Variants in ASXL2 observed in about 807,000 individuals in gnomAD.
ASXL2 encodes the protein ASXL transcriptional regulator 2.
Under a neutral mutation model 122.0 loss-of-function variants are expected in ASXL2, and 23 were observed. The observed-to-expected ratio is 0.19, with a 90% CI of 0.14 to 0.27. The LOEUF is 0.27. ASXL2 is among the 10% of genes least tolerant of loss of function. The probability of loss-of-function intolerance (pLI) is 1.00; values close to 1 mark genes in which losing one functional copy is unlikely to be tolerated. For synonymous variants in ASXL2, 650 were observed against 637.0 expected, an observed-to-expected ratio of 1.02 and a Z score of -0.31; for missense variants, 1,518 against 1,713.8, an observed-to-expected ratio of 0.89 and a Z score of 2.02.
chr2:25,835,129 T>G (rs1044391244), intron 3 of ASXL2, among the ~76,000 whole-genome samples: 1 of 152,132 alleles, frequency 6.6e-6, no homozygotes, highest in African/African-American at 2.4e-5. Flanking sequence ...CCAGCCGATT[T>G]ACCAATATTT....
chr2:25,794,649 C>A (rs1475903483), intron 5 of ASXL2, among the ~76,000 whole-genome samples: 2 of 152,178 alleles, frequency 1.3e-5, no homozygotes. Context: ...GAAAGGTATA[C>A]ATATATCAAG....
intron 9 of ASXL2, among the ~76,000 whole-genome samples, chr2:25,756,640 CT>C (rs1042806596): frequency 9.2e-5 from 14 of 152,276 alleles, no homozygotes; most frequent in Non-Finnish European, 2.1e-4. Flanking sequence ...TCATTTCCCC[CT>C]GGCTCTACAG....
intron 1 of ASXL2, among the ~76,000 whole-genome samples, chr2:25,847,792 C>G (rs1574446492): frequency 6.6e-6 from 1 of 152,084 alleles, no homozygotes; most frequent in Non-Finnish European, 1.5e-5. Context: ...ATGTCTGGGA[C>G]TTCAAAAAAT....
chr2:25,755,434 G>C (rs976844340), intron 10 of ASXL2, among the ~76,000 whole-genome samples: 1 of 152,194 alleles, frequency 6.6e-6, no homozygotes, highest in Non-Finnish European at 1.5e-5. Flanking sequence ...TGGCAGACCA[G>C]TGATCACAGT....
chr2:25,741,907 T>C lies in ASXL2; in HGVS notation c.*122A>G, dbSNP rs910896270. ...ACTTTGTATTCCTGATTAAGTAACA[T>C]TTGTCTCTGAAGACAACTGAAACCT... is the stretch of plus-strand genomic sequence containing the variant. On this transcript the variant is annotated 3_prime_UTR_variant, in exon 13 of 13. Transcript: ENST00000435504. 8.5e-6 allele frequency: 8 copies of C among 936,810 alleles called. No homozygotes were observed. In the Admixed American group the frequency reaches 1.9e-4, roughly 23 times the overall value. The allele number at this position is 936,810 out of a possible 1,614,324, so 58.0% of individuals were successfully genotyped here.
intron 2 of ASXL2, among the ~76,000 whole-genome samples, chr2:25,843,038 C>T (rs1228963966): frequency 2.7e-5 from 4 of 150,898 alleles, no homozygotes; most frequent in South Asian, 2.1e-4. Context: ...CGGTGGCTCA[C>T]GCCTGTAATC....
intron 1 of ASXL2, among the ~76,000 whole-genome samples, chr2:25,873,649 A>C (rs1374526063): frequency 2.0e-5 from 3 of 151,882 alleles, no homozygotes; most frequent in Admixed American, 6.6e-5. Flanking sequence ...TATTAAAAAA[A>C]AAAACAAAAA....
chr2:25,795,689 T>C (rs916967030), intron 5 of ASXL2, among the ~76,000 whole-genome samples: 1 of 152,230 alleles, frequency 6.6e-6, no homozygotes, highest in Non-Finnish European at 1.5e-5. Flanking sequence ...CTTGATGACC[T>C]GGCTTGGCTC....
intron 3 of ASXL2, among the ~76,000 whole-genome samples, chr2:25,828,210 T>A: frequency 1.3e-5 from 2 of 152,216 alleles, no homozygotes; most frequent in South Asian, 4.2e-4. Flanking sequence ...CTCATTAAGA[T>A]CCTTGTCCAG....
intron 1 of ASXL2, among the ~76,000 whole-genome samples, chr2:25,874,582 T>C (rs2089995995): frequency 6.6e-6 from 1 of 151,980 alleles, no homozygotes; most frequent in Admixed American, 6.6e-5. Context: ...GCCCAGGAGA[T>C]GGAAGTTGCA....
rs974471007 is a variant in ASXL2 at position 25,805,827 on chromosome 2, C to T, written c.252+402G>A. 3.3e-5 allele frequency among the ~76,000 whole-genome samples: 5 copies of T among 152,194 alleles called. 1 individual carries two copies. The highest frequency in any genetic ancestry group is 1.9e-4 in the East Asian group (1 of 5,190). On this transcript the variant is annotated intron_variant, in intron 4 of 12. Transcript: ENST00000435504. Reference sequence around the variant, plus strand: ...AGTGGCTGGGACTACAGGCACACACCGCTACGCCCTGGCTAATTTTTTGCA... The same window carrying T: ...AGTGGCTGGGACTACAGGCACACACTGCTACGCCCTGGCTAATTTTTTGCA...
At chr2:25,794,293 CCAAA>C (rs2088880088) in intron 5 of ASXL2, among the ~76,000 whole-genome samples, 1 of 152,058 alleles carries the variant, frequency 6.6e-6, no homozygotes, top group South Asian at 2.1e-4. Flanking sequence ...TAAAAGCAGA[CCAAA>C]ATCTAAACAA....
chr2:25,772,520 G>C (rs190022885), intron 5 of ASXL2, among the ~76,000 whole-genome samples: 1 of 152,134 alleles, frequency 6.6e-6, no homozygotes, highest in Admixed American at 6.5e-5. Flanking sequence ...ATGACCTGAG[G>C]TCGGAGTTCA....
chr2:25,837,799 G>T (rs978276879), intron 2 of ASXL2, among the ~76,000 whole-genome samples: 1 of 151,530 alleles, frequency 6.6e-6, no homozygotes, highest in Non-Finnish European at 1.5e-5. Flanking sequence ...GCAGTGAGCC[G>T]TGATTAAAAA....
At chr2:25,758,625 T>G (rs1490889954) in intron 9 of ASXL2, among the ~76,000 whole-genome samples, 1 of 152,018 alleles carries the variant, frequency 6.6e-6, no homozygotes, top group Non-Finnish European at 1.5e-5. Context: ...ACTAAAGCTC[T>G]CTGGTCCCTG....
rs1409850365 is a variant in ASXL2 at position 25,742,231 on chromosome 2, G to A, written c.4106C>T (p.Ala1369Val). ...GCTGCTGGGATTCATAGCTTGGCTA[G>A]CAGGGATGGTAGTGACAGTCACTGA... ...SFSVTVTTIPASQAMNPSSHG... is the reference protein window; with the variant it reads ...SFSVTVTTIPVSQAMNPSSHG... Residue 1369 changes from alanine to valine, a missense_variant, in exon 13 of 13, where the codon GCT becomes GTT. Physicochemically the swap from Ala to Val is moderately conservative, Grantham distance 64. This residue lies in a region of ASXL2 where 831 missense variants were observed against 833.1 expected (regional missense o/e 1.00). Coordinates refer to ENST00000435504, the MANE Select transcript of ASXL2 (RefSeq NM_018263.6). The A allele has an allele frequency of 1.2e-6, 2 of 1,613,870 alleles. No individual in the cohort carries two copies. The highest frequency in any genetic ancestry group is 1.7e-6 in the Non-Finnish European group (2 of 1,179,892).
At position 25,737,794 on chromosome 2, in the gene ASXL2, T is replaced by C. The variant is rs2087760428; in HGVS notation, c.*4235A>G. 1 of 152,236 alleles carries C rather than the reference T, an allele frequency of 6.6e-6. No individual in the cohort carries two copies. The highest frequency in any genetic ancestry group is 2.1e-4 in the South Asian group (1 of 4,836). 9.4% of individuals were successfully genotyped at this position (152,236 alleles called of 1,614,324 possible). A position where few individuals can be genotyped will look rare whatever the true frequency, so the allele number is the denominator to read the frequency against. On this transcript the variant is annotated 3_prime_UTR_variant, in exon 13 of 13. Transcript: ENST00000435504. ...TTATTGCAAATACTTAAAATTCTTA[T>C]GTAAAATGATTTTCTATATTTGTGA...
intron 3 of ASXL2, chr2:25,809,830 A>G: frequency 2.2e-6 from 1 of 445,256 alleles, no homozygotes; most frequent in Non-Finnish European, 4.4e-6. Context: ...AGGAGAAAGC[A>G]GCCTTCCAGT....
chr2:25,738,184 T>C lies in ASXL2; in HGVS notation c.*3845A>G, dbSNP rs1002027429. ...GTCACTTTTTACAGATATTAAAATA[T>C]ATATTACTTAAAATATATTACTGGA... is the stretch of plus-strand genomic sequence containing the variant. On this transcript the variant is annotated 3_prime_UTR_variant, in exon 13 of 13. Transcript: ENST00000435504. 4 of 152,152 alleles carry C rather than the reference T, an allele frequency of 2.6e-5. No homozygotes were observed. The highest frequency in any genetic ancestry group is 5.9e-5 in the Non-Finnish European group (4 of 68,022). 9.4% of individuals were successfully genotyped at this position (152,152 alleles called of 1,614,324 possible).
Sources: gnomAD v4.1 joint callset for allele counts (sites outside exome capture counted in the v4.1 genomes callset) on GRCh38, gnomAD v4.1.1 for gene constraint, gnomAD v4.1.1 regional missense constraint, MANE v1.5 for transcripts, NCBI Gene and HGNC (gene_info 2026-07-23, HGNC 2026-07-21) for gene names.